The following MYOM2 variants were observed in gnomAD, a reference collection of about 807,000 sequenced individuals.
MYOM2 encodes the protein myomesin-2.
In MYOM2, 254 loss-of-function variants were observed where a neutral mutation model predicts 187.6. The ratio of observed to expected loss-of-function variants is 1.35; its 90% confidence interval spans 1.22 to 1.50. The LOEUF is 1.50. Among genes scored for constraint, MYOM2 ranks in the 40% most tolerant of loss-of-function variants. MYOM2 has a pLI of 0.00. For missense variants in MYOM2, 2,796 were observed against 1,924.0 expected, an observed-to-expected ratio of 1.45 and a Z score of -8.48; for synonymous variants, 981 against 753.8, an observed-to-expected ratio of 1.30 and a Z score of -4.94.
At chr8:2,079,320 A>T (rs1428600215) in intron 12 of MYOM2, among the ~76,000 whole-genome samples, 5 of 151,888 alleles carry the variant, frequency 3.3e-5, no homozygotes, top group African/African-American at 4.8e-5. Context: ...GCCCTTCGTT[A>T]TGGTTGTAAG....
intron 32 of MYOM2, among the ~76,000 whole-genome samples, chr8:2,135,037 A>G (rs1156919946): frequency 1.3e-5 from 2 of 152,164 alleles, no homozygotes; most frequent in East Asian, 3.9e-4. Context: ...TCTGTGTACT[A>G]GAATCTGATT....
At chr8:2,081,114 G>GT (rs11433358) in intron 13 of MYOM2, among the ~76,000 whole-genome samples, 32 of 112,594 alleles carry the variant, frequency 2.8e-4, no homozygotes, top group Admixed American at 3.7e-4. Context: ...GTAGAATGAG[G>GT]TTGGTTCTGG....
rs750894734 is a variant in MYOM2 at position 2,050,814 on chromosome 8, C to T, written c.48C>T (p.Phe16=). ...TCTACCAGAAGAGACATAGGCACTTCGACCAGTCCTACCGTAATATTCAAA... is the reference window on the plus strand; with the variant it reads ...TCTACCAGAAGAGACATAGGCACTTTGACCAGTCCTACCGTAATATTCAAA... The part of the protein sequence containing the change: ...VPFYQKRHRH[F]DQSYRNIQTR... Residue 16 remains phenylalanine, a synonymous_variant, in exon 2 of 37, where the codon TTC becomes TTT. Transcript: ENST00000262113. The T allele has an allele frequency of 6.8e-6, 11 of 1,613,542 alleles. No individual in the cohort carries two copies. Among genetic ancestry groups the T allele is most frequent in the South Asian group, 5.5e-5 (5 of 91,066 alleles).
rs747447848 is a variant in MYOM2 at position 2,069,506 on chromosome 8, G to A, written c.793+9G>A. The A allele has an allele frequency of 1.5e-5, 25 of 1,614,030 alleles. No homozygotes were observed. Among genetic ancestry groups the A allele is most frequent in the African/African-American group, 2.7e-5 (2 of 74,916 alleles). On this transcript the variant is annotated intron_variant, in intron 8 of 36. Transcript: ENST00000262113. ...GGGACTCCCGATTGGATGTAAGTGG[G>A]TTTTTGTTTCTTTTCTGTGTGGTGA...
chr8:2,144,615 C>T lies in MYOM2; in HGVS notation c.4081-49C>T, dbSNP rs772663127. On this transcript the variant is annotated intron_variant, in intron 36 of 36. Transcript: ENST00000262113. ...CCCACCGTCCGAGGGGGTGACATGA[C>T]TTTCCTTTTTCTAACTCTTCCTTCT... 7 of 1,593,956 alleles carry T rather than the reference C, an allele frequency of 4.4e-6. No individual in the cohort carries two copies. In the Admixed American group the frequency reaches 7.2e-5, roughly 16 times the overall value.
At chr8:2,131,455 G>T (rs1797864097) in intron 32 of MYOM2, among the ~76,000 whole-genome samples, 1 of 151,826 alleles carries the variant, frequency 6.6e-6, no homozygotes, top group African/African-American at 2.4e-5. Context: ...GTCCTAGATA[G>T]GCAGGCAGAT....
At position 2,144,705 on chromosome 8, in the gene MYOM2, C is replaced by T. The variant is rs755616092; in HGVS notation, c.4122C>T (p.Pro1374=). Residue 1374 remains proline (P), a synonymous_variant, in exon 37 of 37, where the codon CCC becomes CCT. Coordinates refer to ENST00000262113, the MANE Select transcript of MYOM2 (RefSeq NM_003970.4). Reference sequence around the variant, plus strand: ...GCACGGTGTTTGGAAACCCTGACCCCGAAGTGATTTGGTTCAAGAACGACC... The same window carrying T: ...GCACGGTGTTTGGAAACCCTGACCCTGAAGTGATTTGGTTCAAGAACGACC... ...LTCTVFGNPD[P]EVIWFKNDQD... 2.9e-5 allele frequency: 46 copies of T among 1,613,880 alleles called. No individual in the cohort carries two copies. The highest frequency in any genetic ancestry group is 3.5e-5 in the Non-Finnish European group (41 of 1,180,036).
At chr8:2,106,197 A>T in intron 21 of MYOM2, 45 bp from the exon 22 acceptor site, 1 of 1,585,386 alleles carries the variant, frequency 6.3e-7, no homozygotes, top group Non-Finnish European at 8.6e-7. Flanking sequence ...GAGTTGAAAG[A>T]ACACCGTGTC....
At position 2,085,314 on chromosome 8, in the gene MYOM2, G is replaced by A. The variant is rs75318724; in HGVS notation, c.1568G>A (p.Ser523Asn). The A allele has an allele frequency of 0.029, 46,536 of 1,614,114 alleles. 873 individuals carry two copies. Among genetic ancestry groups the A allele is most frequent in the South Asian group, 0.057 (5,215 of 91,084 alleles). ...PPTGVHASEI[S>N]RNYVVLSWEP... ...ACCGGTGTGCACGCTTCCGAGATCA[G>A]CAGAAACTATGTCGTCCTCAGCTGG... The change falls in exon 14 of 37, where the codon AGC becomes AAC. Residue 523 changes from serine (S) to asparagine (N), a missense_variant. Physicochemically the swap from Ser to Asn is conservative, Grantham distance 46. Coordinates refer to ENST00000262113, the MANE Select transcript of MYOM2 (RefSeq NM_003970.4).
chr8:2,063,958 C>A (rs1297745225), intron 6 of MYOM2, among the ~76,000 whole-genome samples: 1 of 152,254 alleles, frequency 6.6e-6, no homozygotes, highest in African/African-American at 2.4e-5. Context: ...CAAGTTCTCA[C>A]AGCATGAAGC....
At chr8:2,110,290 T>G (rs530900633) in intron 25 of MYOM2, among the ~76,000 whole-genome samples, 1 of 152,300 alleles carries the variant, frequency 6.6e-6, no homozygotes, top group East Asian at 1.9e-4. Flanking sequence ...ACTACTGCAC[T>G]CTAGCCTGGG....
In MYOM2 at chr8:2,140,726, T is replaced by C; in HGVS notation, c.3804T>C (p.Asp1268=). 1 of 1,613,616 alleles carries C rather than the reference T, an allele frequency of 6.2e-7. No homozygotes were observed. ...DEMKVNWCHK[D]AKISSSEHMR... ...CGTTCCTGTTGCTCTTTTCAAGAGA[T>C]GCTAAGATCTCATCCAGTGAGCATA... The change falls in exon 33 of 37, where the codon GAT becomes GAC. Residue 1268 remains aspartate, a synonymous_variant. Coordinates refer to ENST00000262113, the MANE Select transcript of MYOM2 (RefSeq NM_003970.4).
At chr8:2,079,892 T>C (rs1417092829) in intron 13 of MYOM2, among the ~76,000 whole-genome samples, 1 of 152,220 alleles carries the variant, frequency 6.6e-6, no homozygotes, top group Non-Finnish European at 1.5e-5. Flanking sequence ...TTCAGGGACT[T>C]GTAGAGAAGA....
chr8:2,134,803 G>C (rs867056971), intron 32 of MYOM2, among the ~76,000 whole-genome samples: 5 of 152,122 alleles, frequency 3.3e-5, no homozygotes, highest in Non-Finnish European at 5.9e-5. Context: ...TAGGAGCAAT[G>C]CCTTATTTTC....
intron 29 of MYOM2, 85 bp from the exon 30 acceptor site, chr8:2,123,470 G>T (rs544999978): frequency 1.3e-6 from 2 of 1,481,778 alleles, no homozygotes; most frequent in South Asian, 2.3e-5. Context: ...TCGGTGGTTT[G>T]CAAAGAAAAT....
intron 25 of MYOM2, among the ~76,000 whole-genome samples, chr8:2,115,225 A>G (rs1315975980): frequency 2.0e-5 from 3 of 152,128 alleles, no homozygotes; most frequent in Non-Finnish European, 4.4e-5. Flanking sequence ...ATTAATAAAG[A>G]TGGGGAAAAT....
chr8:2,105,839 G>A (rs148922261), intron 21 of MYOM2, among the ~76,000 whole-genome samples: 7 of 152,276 alleles, frequency 4.6e-5, no homozygotes, highest in African/African-American at 1.7e-4. Flanking sequence ...GCATTAGTCC[G>A]TTCTCACGCT....
At chr8:2,133,029 T>C (rs1363538149) in intron 32 of MYOM2, among the ~76,000 whole-genome samples, 1 of 152,192 alleles carries the variant, frequency 6.6e-6, no homozygotes, top group Admixed American at 6.5e-5. Flanking sequence ...ATGTGTGTTG[T>C]GCCTTGCGGT....
Position 2,086,204 on chromosome 8 carries a change from C to CA in MYOM2, c.1644+814_1644+815insA, listed in dbSNP as rs1554546936. Among the ~76,000 whole-genome samples, 2 of 24,942 alleles carry CA rather than the reference C, an allele frequency of 8.0e-5. 1 individual carries two copies. The highest frequency in any genetic ancestry group is 2.6e-4 in the African/African-American group (2 of 7,580). The allele number at this position is 24,942 out of a possible 152,430, so 16.4% of individuals were successfully genotyped here. A position where few individuals can be genotyped will look rare whatever the true frequency, so the allele number is the denominator to read the frequency against. ...CCCCACTGTCATGATCTCTGCGTGGCCCCACTGTCATGATCTCTTTGTGGC... is the reference window on the plus strand; with the variant it reads ...CCCCACTGTCATGATCTCTGCGTGGCACCCACTGTCATGATCTCTTTGTGGC... On this transcript the variant is annotated intron_variant, in intron 14 of 36. Transcript: ENST00000262113.
Sources: allele counts gnomAD v4.1 joint callset (sites outside exome capture counted in the v4.1 genomes callset), GRCh38; gene constraint gnomAD v4.1.1; transcripts MANE v1.5; gene names NCBI Gene and HGNC (gene_info 2026-07-23, HGNC 2026-07-21).